The following DTNBP1 variants were observed in gnomAD, a reference collection of about 807,000 sequenced individuals.
The protein encoded by DTNBP1 is dysbindin.
DTNBP1 carries 35 observed loss-of-function variants against 42.8 expected under a neutral mutation model. The ratio of observed to expected loss-of-function variants is 0.82; its 90% CI spans 0.63 to 1.09. The LOEUF (loss-of-function observed/expected upper bound fraction) is 1.09. DTNBP1 is among the 50% of genes least tolerant of loss of function. DTNBP1 has a pLI of 0.00. For missense variants in DTNBP1, 457 were observed against 424.2 expected, an observed-to-expected ratio of 1.08 and a Z score of -0.68; for synonymous variants, 171 against 162.2, an observed-to-expected ratio of 1.05 and a Z score of -0.41.
At chr6:15,544,323 A>C (rs549513172) in intron 7 of DTNBP1, among the ~76,000 whole-genome samples, 15 of 152,350 alleles carry the variant, frequency 9.8e-5, no homozygotes, top group Non-Finnish European at 1.9e-4. Flanking sequence ...TCACCCACTG[A>C]ATGGCTGTTT....
intron 7 of DTNBP1, among the ~76,000 whole-genome samples, chr6:15,560,747 A>G (rs1366594135): frequency 1.3e-5 from 2 of 152,216 alleles, no homozygotes; most frequent in Non-Finnish European, 1.5e-5. Context: ...CAGGCTCAGG[A>G]GGCCCAGGTT....
rs1289052914 is a variant in DTNBP1, at chr6:15,662,904, G to C, written c.-35C>G. 6.2e-7 allele frequency: 1 copy of C among 1,601,188 alleles called. No homozygotes were observed. The highest frequency in any genetic ancestry group is 8.5e-7 in the Non-Finnish European group (1 of 1,179,072). On this transcript the variant is annotated 5_prime_UTR_variant, in exon 1 of 10. Coordinates refer to ENST00000344537, the MANE Select transcript of DTNBP1 (RefSeq NM_032122.5). ...CGCCGGTCTCCTCTCCTCAGGCCTC[G>C]GGCTGCTGCTGCCTCTGTCGCCCCC...
chr6:15,651,353 A>G lies in DTNBP1; in HGVS notation c.121T>C (p.Phe41Leu). The change falls in exon 3 of 10, where the codon TTT becomes CTT. Residue 41 changes from phenylalanine (F) to leucine (L), a missense_variant. Transcript: ENST00000344537. ...AATCCAGCAGAGTACTTTGGCAAAA[A>G]TGGAACAGTCCTGCCCAAAAGAAAC... is the stretch of plus-strand genomic sequence containing the variant. ...KVKSKPRTVP[F>L]LPKYSAGLEL... is the part of the protein sequence containing the mutation. The G allele has an allele frequency of 1.2e-6, 2 of 1,612,040 alleles. No homozygotes were observed. Among genetic ancestry groups the G allele is most frequent in the Non-Finnish European group, 1.7e-6 (2 of 1,179,758 alleles).
intron 3 of DTNBP1, among the ~76,000 whole-genome samples, chr6:15,640,612 G>A (rs1760288028): frequency 6.6e-6 from 1 of 152,170 alleles, no homozygotes; most frequent in Non-Finnish European, 1.5e-5. Context: ...AGGAATATAG[G>A]AAAGTAACTG....
intron 4 of DTNBP1, 132 bp downstream of exon 4, chr6:15,637,612 C>T (rs752488143): frequency 9.0e-5 from 86 of 957,622 alleles, no homozygotes; most frequent in Admixed American, 2.1e-4. Context: ...TCATAATCAA[C>T]GACTAGATTC....
chr6:15,536,156 A>C (rs1203138900), intron 7 of DTNBP1, among the ~76,000 whole-genome samples: 1 of 152,242 alleles, frequency 6.6e-6, no homozygotes, highest in Non-Finnish European at 1.5e-5. Context: ...AGTTTAGAAA[A>C]TCTGTAGCCT....
At chr6:15,567,744 T>C (rs779829802) in intron 7 of DTNBP1, among the ~76,000 whole-genome samples, 1 of 152,236 alleles carries the variant, frequency 6.6e-6, no homozygotes, top group Non-Finnish European at 1.5e-5. Flanking sequence ...TCAGGACCTT[T>C]TGAGACTATG....
intron 7 of DTNBP1, among the ~76,000 whole-genome samples, chr6:15,591,599 A>G (rs1776300554): frequency 6.6e-6 from 1 of 152,210 alleles, no homozygotes; most frequent in South Asian, 2.1e-4. Flanking sequence ...TAAACAAGAT[A>G]TTTCAGCCTA....
chr6:15,651,311 A>C lies in DTNBP1; in HGVS notation c.161+2T>G, dbSNP rs2113807931. 1.2e-6 allele frequency: 2 copies of C among 1,611,548 alleles called. No individual in the cohort carries two copies. Among genetic ancestry groups the C allele is most frequent in the Non-Finnish European group, 1.7e-6 (2 of 1,179,296 alleles). On this transcript the variant is annotated splice_donor_variant, in intron 3 of 9. Transcript: ENST00000344537. LOFTEE classifies it high-confidence loss of function. ...ACCTTCCTCTACAAATGAAACACTT[A>C]CCTGCTAAGTAATTCTAATCCAGCA...
At chr6:15,576,622 A>G (rs1165728333) in intron 7 of DTNBP1, among the ~76,000 whole-genome samples, 1 of 151,918 alleles carries the variant, frequency 6.6e-6, no homozygotes, top group Non-Finnish European at 1.5e-5. Context: ...ACTAAAAATT[A>G]GGTAGGCATG....
In DTNBP1 at chr6:15,662,883, G is replaced by T; in HGVS notation, c.-14C>A. ...GGTCTCCAGCATTGCCGCCGCCGCC[G>T]GTCTCCTCTCCTCAGGCCTCGGGCT... On this transcript the variant is annotated 5_prime_UTR_variant, in exon 1 of 10. Transcript: ENST00000344537. 1.2e-6 allele frequency: 2 copies of T among 1,604,224 alleles called. No homozygotes were observed. The highest frequency in any genetic ancestry group is 1.1e-5 in the South Asian group (1 of 91,064).
chr6:15,637,600 T>C, intron 4 of DTNBP1, 144 bp downstream of exon 4: 2 of 861,866 alleles, frequency 2.3e-6, no homozygotes, highest in Non-Finnish European at 3.7e-6. Flanking sequence ...ATTCAGGGAG[T>C]TTCATAATCA....
At chr6:15,575,046 T>G (rs547154321) in intron 7 of DTNBP1, among the ~76,000 whole-genome samples, 1 of 152,350 alleles carries the variant, frequency 6.6e-6, no homozygotes, top group Non-Finnish European at 1.5e-5. Flanking sequence ...AACTGTCCTA[T>G]TCCAGAAACC....
At chr6:15,523,510 A>T in intron 9 of DTNBP1, 1 of 1,278,184 alleles carries the variant, frequency 7.8e-7, no homozygotes. Context: ...CCCAAAGGCA[A>T]GTGCTGCCTA....
rs891810314 is a variant in DTNBP1 at position 15,587,749 on chromosome 6, G to A, written c.511+5310C>T. Among the ~76,000 whole-genome samples, 2 of 152,122 alleles carry A rather than the reference G, an allele frequency of 1.3e-5. No individual in the cohort carries two copies. Among genetic ancestry groups the A allele is most frequent in the Non-Finnish European group, 2.9e-5 (2 of 68,028 alleles). On this transcript the variant is annotated intron_variant, in intron 7 of 9. Transcript: ENST00000344537. This position sits in a 1 kb window ranked among gnomAD's most constrained non-coding sequence, Gnocchi z 4.1. ...AATGGTTCTGAGACAACTGAATATC[G>A]ATACGTAAAAAAATGAAGGTAGACT...
chr6:15,639,234 G>A (rs1057151577), intron 3 of DTNBP1, among the ~76,000 whole-genome samples: 3 of 152,168 alleles, frequency 2.0e-5, no homozygotes, highest in Non-Finnish European at 4.4e-5. Flanking sequence ...GTGGTTATAT[G>A]AAATGCTAAC....
chr6:15,524,706 T>C (rs1421611252), intron 8 of DTNBP1, 37 bp from the exon 9 acceptor site: 1 of 1,606,674 alleles, frequency 6.2e-7, no homozygotes, highest in Non-Finnish European at 8.5e-7. Flanking sequence ...ACACGCTGTC[T>C]TTAATATTAC....
intron 7 of DTNBP1, among the ~76,000 whole-genome samples, chr6:15,576,460 T>C (rs898978153): frequency 2.3e-4 from 35 of 151,176 alleles, no homozygotes; most frequent in African/African-American, 7.8e-4. Context: ...TCAAGTGATA[T>C]TGGTTTTCCA....
chr6:15,630,594 G>A (rs1008991819), intron 4 of DTNBP1, among the ~76,000 whole-genome samples: 2 of 151,908 alleles, frequency 1.3e-5, no homozygotes, highest in African/African-American at 4.8e-5. Context: ...ACTGCTAAAG[G>A]AGAAAAAAAA....
Sources: allele counts gnomAD v4.1 joint callset (sites outside exome capture counted in the v4.1 genomes callset), GRCh38; gene constraint gnomAD v4.1.1; non-coding constraint Gnocchi (gnomAD v3.1); transcripts MANE v1.5; gene names NCBI Gene and HGNC (gene_info 2026-07-23, HGNC 2026-07-21).